Variants in BACH2 observed in about 807,000 individuals in gnomAD.
BACH2 encodes BACH transcriptional regulator 2, also known as transcription regulator protein BACH2.
A neutral mutation model predicts 61.8 loss-of-function variants in BACH2; 5 were observed. The observed-to-expected ratio is 0.08, with a 90% CI of 0.04 to 0.17. The LOEUF is 0.17. BACH2 is among the 10% of genes least tolerant of loss of function. The pLI is 1.00. For synonymous variants in BACH2, 446 were observed against 440.1 expected, an observed-to-expected ratio of 1.01 and a Z score of -0.17; for missense variants, 824 against 1,091.1, an observed-to-expected ratio of 0.76 and a Z score of 3.45.
intron 6 of BACH2, among the ~76,000 whole-genome samples, chr6:89,978,778 A>G (rs1391301376): frequency 1.3e-5 from 2 of 152,236 alleles, no homozygotes; most frequent in Non-Finnish European, 2.9e-5. Flanking sequence ...GGTGGTACAA[A>G]TAAAGAGAAT....
At chr6:90,159,505 T>C (rs1208386729) in intron 4 of BACH2, among the ~76,000 whole-genome samples, 1 of 152,246 alleles carries the variant, frequency 6.6e-6, no homozygotes, top group African/African-American at 2.4e-5. Flanking sequence ...CTGCATTCTC[T>C]AGAGAATTAA....
chr6:89,984,345 A>C (rs1315806683), intron 6 of BACH2, among the ~76,000 whole-genome samples: 1 of 152,112 alleles, frequency 6.6e-6, no homozygotes, highest in Non-Finnish European at 1.5e-5. Flanking sequence ...ATTATTGTAA[A>C]TTATCTAAAT....
intron 5 of BACH2, among the ~76,000 whole-genome samples, chr6:90,032,080 A>G (rs1464285353): frequency 6.6e-6 from 1 of 152,158 alleles, no homozygotes; most frequent in Non-Finnish European, 1.5e-5. Flanking sequence ...ATCTTTGACA[A>G]ACCTGACAAA....
At chr6:89,954,224 T>C (rs1344455631) in intron 6 of BACH2, among the ~76,000 whole-genome samples, 1 of 152,202 alleles carries the variant, frequency 6.6e-6, no homozygotes, top group East Asian at 1.9e-4. Flanking sequence ...TCTTGAGTTT[T>C]GGCAAAGGTG....
intron 4 of BACH2, among the ~76,000 whole-genome samples, chr6:90,187,852 T>C (rs1055306601): frequency 1.9e-4 from 29 of 152,340 alleles, no homozygotes; most frequent in African/African-American, 6.7e-4. Flanking sequence ...ACTTTTTAAG[T>C]ACATTTTAGA....
At chr6:90,215,359 C>A (rs941828202) in intron 3 of BACH2, among the ~76,000 whole-genome samples, 2 of 152,158 alleles carry the variant, frequency 1.3e-5, no homozygotes, top group African/African-American at 4.8e-5. Context: ...TTCTTGCCCC[C>A]CTTTCACAAG....
intron 4 of BACH2, among the ~76,000 whole-genome samples, chr6:90,093,898 C>T (rs1782276229): frequency 6.6e-6 from 1 of 152,220 alleles, no homozygotes; most frequent in African/African-American, 2.4e-5. Context: ...TATGGTAATG[C>T]TACACTAAGC....
At chr6:90,123,863 G>T (rs1219747571) in intron 4 of BACH2, among the ~76,000 whole-genome samples, 1 of 150,762 alleles carries the variant, frequency 6.6e-6, no homozygotes, top group East Asian at 2.0e-4. Context: ...CACCAAAATC[G>T]CCTCCTGATG....
chr6:90,202,501 C>T (rs1217608267), intron 4 of BACH2, among the ~76,000 whole-genome samples: 1 of 152,096 alleles, frequency 6.6e-6, no homozygotes, highest in Non-Finnish European at 1.5e-5. Flanking sequence ...AGACAAGGGG[C>T]ACTACTCTAC....
intron 3 of BACH2, among the ~76,000 whole-genome samples, chr6:90,227,973 C>T (rs1769970585): frequency 6.6e-6 from 1 of 152,218 alleles, no homozygotes. Context: ...TTGCCATCCC[C>T]AGCCTTTATC....
At chr6:90,028,868 A>T (rs1197356849) in intron 5 of BACH2, among the ~76,000 whole-genome samples, 1 of 152,222 alleles carries the variant, frequency 6.6e-6, no homozygotes, top group Non-Finnish European at 1.5e-5. Flanking sequence ...CAGTTTCCTG[A>T]TCTGTACTAA....
Position 89,960,249 on chromosome 6 carries a change from A to C in BACH2, c.244-8387T>G, listed in dbSNP as rs190938071. 1.9e-3 allele frequency among the ~76,000 whole-genome samples: 290 copies of C among 152,302 alleles called. 2 individuals are homozygous for C. Among genetic ancestry groups the C allele is most frequent in the African/African-American group, 5.3e-3 (220 of 41,560 alleles). On this transcript the variant is annotated intron_variant, in intron 6 of 8. Transcript: ENST00000257749. Reference sequence around the variant, plus strand: ...ATTTGAAACACCTGGCATGGTTTCTAGTTCCCTGACTTAACAATCCAATTT... The same window carrying C: ...ATTTGAAACACCTGGCATGGTTTCTCGTTCCCTGACTTAACAATCCAATTT...
chr6:89,940,425 G>A (rs1773352966), intron 7 of BACH2, among the ~76,000 whole-genome samples: 1 of 152,236 alleles, frequency 6.6e-6, no homozygotes. Context: ...GCACCCATGA[G>A]GTGACACAGG....
At chr6:90,099,614 G>C (rs1782530162) in intron 4 of BACH2, among the ~76,000 whole-genome samples, 1 of 152,106 alleles carries the variant, frequency 6.6e-6, no homozygotes, top group Admixed American at 6.5e-5. Context: ...AAACACAGAA[G>C]GTATCTAGTA....
chr6:89,993,908 T>G (rs542300733), intron 6 of BACH2, among the ~76,000 whole-genome samples: 25 of 152,118 alleles, frequency 1.6e-4, no homozygotes, highest in African/African-American at 5.5e-4. Context: ...GGAAATGGCC[T>G]CTTTTACTAT....
chr6:90,187,783 G>A (rs940278271), intron 4 of BACH2, among the ~76,000 whole-genome samples: 1 of 152,164 alleles, frequency 6.6e-6, no homozygotes, highest in Admixed American at 6.5e-5. Flanking sequence ...AGGATCTGTC[G>A]TAGGCACTTT....
intron 3 of BACH2, among the ~76,000 whole-genome samples, chr6:90,225,311 C>T (rs1481898518): frequency 6.6e-6 from 1 of 151,984 alleles, no homozygotes; most frequent in Non-Finnish European, 1.5e-5. Context: ...AGCCCAGGCC[C>T]GGGAGTTCGA....
intron 6 of BACH2, among the ~76,000 whole-genome samples, chr6:89,972,427 T>G (rs1229989994): frequency 6.6e-6 from 1 of 152,076 alleles, no homozygotes; most frequent in Non-Finnish European, 1.5e-5. Flanking sequence ...AATTCAAGAC[T>G]GAGAACGACT....
chr6:90,185,899 T>C (rs1768339514), intron 4 of BACH2, among the ~76,000 whole-genome samples: 1 of 152,244 alleles, frequency 6.6e-6, no homozygotes, highest in Non-Finnish European at 1.5e-5. Context: ...CAAATGTAGT[T>C]GGTTCTTTTT....
Sources: gnomAD v4.1 joint callset for allele counts (sites outside exome capture counted in the v4.1 genomes callset) on GRCh38, gnomAD v4.1.1 for gene constraint, MANE v1.5 for transcripts, NCBI Gene and HGNC (gene_info 2026-07-23, HGNC 2026-07-21) for gene names.